Variants in ZNF112 observed in about 807,000 individuals in gnomAD.
The protein encoded by ZNF112 is zinc finger protein 112, also known as zinc finger protein 112 (Y14).
Under a neutral mutation model 77.7 loss-of-function variants are expected in ZNF112, and 37 were observed. That is an observed-to-expected ratio of 0.48 (90% CI 0.37 to 0.63). The LOEUF is 0.63. ZNF112 is among the 20% of genes least tolerant of loss of function. The pLI, the probability that ZNF112 is intolerant of heterozygous loss-of-function variation, is 0.00. For synonymous variants in ZNF112, 333 were observed against 363.6 expected, an observed-to-expected ratio of 0.92 and a Z score of 0.96; for missense variants, 950 against 1,077.4, an observed-to-expected ratio of 0.88 and a Z score of 1.66.
intron 1 of ZNF112, among the ~76,000 whole-genome samples, chr19:44,343,594 T>C (rs1970532641): frequency 6.6e-6 from 1 of 152,184 alleles, no homozygotes; most frequent in Admixed American, 6.5e-5. Context: ...TGGCATGTCA[T>C]GTACTGGTTA....
chr19:44,337,162 C>T lies in ZNF112; in HGVS notation c.125-444G>A, dbSNP rs149376189. Among the ~76,000 whole-genome samples the T allele has an allele frequency of 3.7e-3, 558 of 149,044 alleles. 3 individuals are homozygous for T. Among genetic ancestry groups the T allele is most frequent in the African/African-American group, 0.013 (521 of 40,766 alleles). On this transcript the variant is annotated intron_variant, in intron 2 of 3. Transcript: ENST00000354340. ...CTGAGATTACAGGTGTGAGCCACCA[C>T]GCCTGGCCATTATTTTCATTAAACC...
Position 44,327,686 on chromosome 19 carries a change from TCTC to T in ZNF112, c.2468_2470del (p.Gly823del). 1 of 1,613,792 alleles carries T rather than the reference TCTC, an allele frequency of 6.2e-7. No individual in the cohort carries two copies. The highest frequency in any genetic ancestry group is 1.1e-5 in the South Asian group (1 of 91,060). On this transcript the variant is annotated inframe_deletion, in exon 4 of 4. Transcript: ENST00000354340. ...ACATACCTCACATTTGTATGGTTTC[TCTC>T]CTGTGTGGACTCTGTGATGGGCTTG...
At chr19:44,361,924 G>T (rs548530286) in intron 1 of ZNF112, among the ~76,000 whole-genome samples, 31,411 of 152,016 alleles carry the variant, frequency 0.21, 4,769 homozygotes, top group African/African-American at 0.43. Context: ...TTTCTGAGCA[G>T]TTTTCTGTAA....
chr19:44,363,820 C>T (rs1030567581), intron 1 of ZNF112, among the ~76,000 whole-genome samples: 5 of 152,192 alleles, frequency 3.3e-5, no homozygotes, highest in African/African-American at 9.7e-5. Flanking sequence ...TAAGAAACCA[C>T]CAGATCATCT....
chr19:44,343,320 G>T (rs1332566017), intron 1 of ZNF112: 4 of 1,555,904 alleles, frequency 2.6e-6, no homozygotes, highest in Non-Finnish European at 3.5e-6. Context: ...GGCAGAACAG[G>T]GTAATACGAA....
At chr19:44,350,764 G>A (rs562919970) in intron 1 of ZNF112, among the ~76,000 whole-genome samples, 9 of 152,138 alleles carry the variant, frequency 5.9e-5, no homozygotes, top group South Asian at 4.1e-4. Context: ...TGATGCAAGC[G>A]CAAAGGACCT....
intron 3 of ZNF112, among the ~76,000 whole-genome samples, chr19:44,336,127 T>A (rs1038085750): frequency 2.0e-5 from 3 of 152,234 alleles, no homozygotes; most frequent in Non-Finnish European, 2.9e-5. Context: ...GCTATTCTTA[T>A]CTTTTAGGAT....
At chr19:44,359,048 CATT>C (rs1044534222), upstream of ZNF112, among the ~76,000 whole-genome samples, 12 of 152,156 alleles carry the variant, frequency 7.9e-5, no homozygotes, top group Non-Finnish European at 1.8e-4. Context: ...TCTTTGTAAA[CATT>C]ATTAAACAAC....
At position 44,326,930 on chromosome 19, in the gene ZNF112, A is replaced by C. The variant is rs1365291674; in HGVS notation, c.*503T>G. The C allele has an allele frequency of 6.4e-6, 1 of 155,098 alleles. No homozygotes were observed. Among genetic ancestry groups the C allele is most frequent in the East Asian group, 1.9e-4 (1 of 5,246 alleles). 9.6% of individuals were successfully genotyped at this position (155,098 alleles called of 1,614,324 possible). A position where few individuals can be genotyped will look rare whatever the true frequency, so the allele number is the denominator to read the frequency against. ...ATCATCATAATGCTTATTGTTCTAC[A>C]TTTCAAATATTTACTTGAAATGATT... On this transcript the variant is annotated 3_prime_UTR_variant, in exon 4 of 4. Coordinates refer to ENST00000354340, the MANE Select transcript of ZNF112 (RefSeq NM_013380.4).
chr19:44,340,057 T>C (rs942104581), intron 2 of ZNF112, among the ~76,000 whole-genome samples: 9 of 151,784 alleles, frequency 5.9e-5, no homozygotes, highest in African/African-American at 1.9e-4. Context: ...TCTTGTCCTT[T>C]TGTAAGTTTT....
intron 3 of ZNF112, among the ~76,000 whole-genome samples, chr19:44,336,220 A>AT (rs1215948287): frequency 6.6e-6 from 1 of 152,220 alleles, no homozygotes; most frequent in Non-Finnish European, 1.5e-5. Flanking sequence ...GTATTCTAGA[A>AT]TACCCTTCAA....
intron 1 of ZNF112, among the ~76,000 whole-genome samples, chr19:44,347,626 G>A (rs914035687): frequency 1.4e-5 from 2 of 143,348 alleles, no homozygotes; most frequent in African/African-American, 2.6e-5. Context: ...TAGCATTACT[G>A]TTTTACTACT....
In ZNF112 at chr19:44,329,173, A is replaced by C. The variant is rs778409722; in HGVS notation, c.984T>G (p.Gly328=). The part of the protein sequence containing the change: ...VHTEEKPCKC[G]EYGENFNHCS... ...AGTGATTGAAGTTCTCACCATATTC[A>C]CCACATTTGCATGGTTTCTCCTCTG... Residue 328 remains glycine (G), a synonymous_variant, in exon 4 of 4, where the codon GGT becomes GGG. Coordinates refer to ENST00000354340, the MANE Select transcript of ZNF112 (RefSeq NM_013380.4). 2 of 1,613,836 alleles carry C rather than the reference A, an allele frequency of 1.2e-6. No homozygotes were observed. The highest frequency in any genetic ancestry group is 2.2e-5 in the South Asian group (2 of 91,062).
Position 44,327,889 on chromosome 19 carries a change from C to T in ZNF112, c.2268G>A (p.Ser756=), listed in dbSNP as rs372966388. 41 of 1,612,984 alleles carry T rather than the reference C, an allele frequency of 2.5e-5. No individual in the cohort carries two copies. Among genetic ancestry groups the T allele is most frequent in the South Asian group, 9.9e-5 (9 of 91,048 alleles). Residue 756 remains serine, a synonymous_variant, in exon 4 of 4, where the codon TCG becomes TCA. Transcript: ENST00000354340. ...GAACCCTCCGATGTGCTTCAAGGCG[C>T]GAACTCTGACTAAAGCCCTTCCCAC... ...EMCGKGFSQS[S]RLEAHRRVHT...
chr19:44,346,665 A>G (rs1317818399), intron 1 of ZNF112, among the ~76,000 whole-genome samples: 2 of 152,208 alleles, frequency 1.3e-5, no homozygotes, highest in East Asian at 1.9e-4. Context: ...GAAGGTCCCC[A>G]TTCCTGCTGC....
rs771730790 is a variant in ZNF112 at position 44,328,760 on chromosome 19, T to A, written c.1397A>T (p.Lys466Ile). The change falls in exon 4 of 4, where the codon AAA becomes ATA. Residue 466 changes from lysine (K) to isoleucine (I), a missense_variant. This residue lies in a region of ZNF112 where 560 missense variants were observed against 557.3 expected (regional missense o/e 1.00). Coordinates refer to ENST00000354340, the MANE Select transcript of ZNF112 (RefSeq NM_013380.4). ...GAAGCTGTTACTACACACATAGCGT[T>A]TATATGGTTGTTCCTTAGTGTGGAC... is the stretch of plus-strand genomic sequence containing the variant. Reference protein sequence around the residue: ...QIVHTKEQPYKRYVCSNSFSH... With the variant: ...QIVHTKEQPYIRYVCSNSFSH... 8.7e-6 allele frequency: 14 copies of A among 1,614,106 alleles called. No individual in the cohort carries two copies. The highest frequency in any genetic ancestry group is 1.1e-5 in the Non-Finnish European group (13 of 1,179,980).
At chr19:44,343,493 A>T (rs1202770610) in intron 1 of ZNF112, among the ~76,000 whole-genome samples, 3 of 152,230 alleles carry the variant, frequency 2.0e-5, no homozygotes, top group Non-Finnish European at 4.4e-5. Context: ...TGCACGGAGC[A>T]ACCTGCACAG....
chr19:44,355,524 C>T (rs1488600557), intron 1 of ZNF112, among the ~76,000 whole-genome samples: 1 of 152,102 alleles, frequency 6.6e-6, no homozygotes, highest in Non-Finnish European at 1.5e-5. Context: ...GAAGCTGATA[C>T]TAAACACATC....
intron 3 of ZNF112, among the ~76,000 whole-genome samples, chr19:44,332,153 C>T (rs1383413302): frequency 6.6e-6 from 1 of 152,108 alleles, no homozygotes; most frequent in Non-Finnish European, 1.5e-5. Flanking sequence ...TGTGAACAGC[C>T]ACTGCAACTC....
Sources: allele counts gnomAD v4.1 joint callset (sites outside exome capture counted in the v4.1 genomes callset), GRCh38; gene constraint gnomAD v4.1.1; regional missense constraint gnomAD v4.1.1; transcripts MANE v1.5; gene names NCBI Gene and HGNC (gene_info 2026-07-23, HGNC 2026-07-21).